RFX2: variants seen among roughly 807,000 people sequenced by gnomAD.
RFX2 encodes DNA-binding protein RFX2.
RFX2 carries 20 observed loss-of-function variants against 87.8 expected under a neutral mutation model. The ratio of observed to expected loss-of-function variants is 0.23; its 90% CI spans 0.16 to 0.33. The LOEUF (loss-of-function observed/expected upper bound fraction) is 0.33, where lower values mean the gene tolerates loss of function less well. Among genes scored for constraint, RFX2 ranks in the 10% least tolerant of loss-of-function variants. The pLI is 1.00. For synonymous variants in RFX2, 397 were observed against 431.3 expected, an observed-to-expected ratio of 0.92 and a Z score of 0.98; for missense variants, 767 against 1,012.3, an observed-to-expected ratio of 0.76 and a Z score of 3.29.
rs1464388647 is a variant in RFX2, at chr19:6,002,881, G to C, written c.1501-11C>G. 6.3e-7 allele frequency: 1 copy of C among 1,599,860 alleles called. No homozygotes were observed. Among genetic ancestry groups the C allele is most frequent in the Non-Finnish European group, 8.5e-7 (1 of 1,176,002 alleles). On this transcript the variant is annotated splice_polypyrimidine_tract_variant and intron_variant, in intron 13 of 17. Transcript: ENST00000303657. This position sits in a 1 kb window ranked among gnomAD's most constrained non-coding sequence, Gnocchi z 6.7. ...ACTGACGACGCCCACCTGTAAGCCA[G>C]GGCTCGTGGTGAGCAGGGGTTCGCA... is the stretch of plus-strand genomic sequence containing the variant.
chr19:6,073,673 T>G, intron 1 of RFX2: 1 of 247,106 alleles, frequency 4.0e-6, no homozygotes. Flanking sequence ...GAAGGCTGAA[T>G]GGATGAAAGC....
Position 6,047,408 on chromosome 19 carries a change from T to C in RFX2, c.89A>G (p.Gln30Arg). The C allele has an allele frequency of 2.5e-6, 4 of 1,605,362 alleles. No homozygotes were observed. The highest frequency in any genetic ancestry group is 1.7e-6 in the Non-Finnish European group (2 of 1,176,194). ...AAAPPVPASP[Q>R]RVLVQAASSN... The stretch of plus-strand genomic sequence containing the variant: ...TTGTTGCTGAGAGGCGCGCGTTACC[T>C]GCGGGGAGGCTGGCACAGGCGGGGC... Residue 30 changes from glutamine (Q) to arginine (R), a missense_variant and splice_region_variant, in exon 2 of 18, where the codon CAG becomes CGG. Physicochemically the swap from Gln to Arg is conservative, Grantham distance 43 (BLOSUM62 1). Coordinates refer to ENST00000303657, the MANE Select transcript of RFX2 (RefSeq NM_000635.4). The surrounding 1 kb of genome is among the most constrained non-coding windows in gnomAD (Gnocchi z 4.2).
rs1349756300 is a variant in RFX2, at chr19:6,078,870, G to C, written c.-8-31366C>G. Among the ~76,000 whole-genome samples, 4 of 152,184 alleles carry C rather than the reference G, an allele frequency of 2.6e-5. No individual in the cohort carries two copies. In the East Asian group the frequency reaches 7.7e-4, roughly 29 times the overall value. Reference sequence around the variant, plus strand: ...AGCTCACTGCAACCTCCACCTCCCGGGTTCAAACTATTCTAGTGCCTCAGC... The same window carrying C: ...AGCTCACTGCAACCTCCACCTCCCGCGTTCAAACTATTCTAGTGCCTCAGC... On this transcript the variant is annotated intron_variant, in intron 1 of 17. Coordinates refer to ENST00000303657, the MANE Select transcript of RFX2 (RefSeq NM_000635.4).
intron 10 of RFX2, 59 bp downstream of exon 10, chr19:6,008,047 G>A: frequency 1.5e-6 from 2 of 1,299,478 alleles, no homozygotes; most frequent in Non-Finnish European, 2.2e-6. Context: ...CCTGGCCTGA[G>A]CGCTGGCGGT....
Position 6,074,515 on chromosome 19 carries a change from G to T in RFX2, c.-8-27011C>A, listed in dbSNP as rs1342114850. ...ATCGTTCATTCATTCAACAAACACA[G>T]TCTGAGCATCTGCCATGTGCCGGCT... On this transcript the variant is annotated intron_variant, in intron 1 of 17. Coordinates refer to ENST00000303657, the MANE Select transcript of RFX2 (RefSeq NM_000635.4). This position sits in a 1 kb window ranked among gnomAD's most constrained non-coding sequence, Gnocchi z 5.2. Among the ~76,000 whole-genome samples, 1 of 152,178 alleles carries T rather than the reference G, an allele frequency of 6.6e-6. No individual in the cohort carries two copies. The highest frequency in any genetic ancestry group is 1.5e-5 in the Non-Finnish European group (1 of 68,042).
At chr19:6,108,762 C>G (rs2088260470) in intron 1 of RFX2, among the ~76,000 whole-genome samples, 1 of 152,276 alleles carries the variant, frequency 6.6e-6, no homozygotes. Flanking sequence ...TGCCCTCTCC[C>G]CTCCCCATTC....
intron 7 of RFX2, among the ~76,000 whole-genome samples, chr19:6,014,869 A>G (rs1157986407): frequency 6.6e-6 from 1 of 152,216 alleles, no homozygotes; most frequent in Non-Finnish European, 1.5e-5. Context: ...GTTTATAGAC[A>G]GCCAGGACAC....
intron 1 of RFX2, among the ~76,000 whole-genome samples, chr19:6,076,045 A>C (rs2087687054): frequency 1.3e-5 from 2 of 152,198 alleles, no homozygotes; most frequent in Admixed American, 6.5e-5. Flanking sequence ...TTCACAAAAA[A>C]TTAGAAACGA....
Position 6,001,115 on chromosome 19 carries a change from T to C in RFX2, c.1859+700A>G, listed in dbSNP as rs2086484610. On this transcript the variant is annotated intron_variant, in intron 15 of 17. Transcript: ENST00000303657. This position sits in a 1 kb window ranked among gnomAD's most constrained non-coding sequence, Gnocchi z 5.6. The stretch of plus-strand genomic sequence containing the variant: ...GCTCTCAGGACATCGCTCTACTGCC[T>C]TCTGGGTTTCTGCACATTGTTCGGA... Among the ~76,000 whole-genome samples the C allele has an allele frequency of 6.6e-6, 1 of 152,202 alleles. No homozygotes were observed. The highest frequency in any genetic ancestry group is 1.5e-5 in the Non-Finnish European group (1 of 68,022).
At chr19:6,107,245 G>A (rs1306985957) in intron 1 of RFX2, among the ~76,000 whole-genome samples, 1 of 151,684 alleles carries the variant, frequency 6.6e-6, no homozygotes, top group East Asian at 1.9e-4. Flanking sequence ...GCAGTGAGCC[G>A]AGATGGTGCC....
In RFX2 at chr19:6,046,555, T is replaced by TC. The variant is rs1197024063; in HGVS notation, c.90+851dup. Among the ~76,000 whole-genome samples the TC allele has an allele frequency of 1.0e-3, 109 of 104,206 alleles. 1 individual carries two copies. The South Asian group carries it at 0.017, about 16-fold the overall frequency. The allele number at this position is 104,206 out of a possible 152,430, so 68.4% of individuals were successfully genotyped here. A position where few individuals can be genotyped will look rare whatever the true frequency, so the allele number is the denominator to read the frequency against. ...GCCTGGGCGACAGAGCGAGACTCCGTCCCCCCCCAAAAAAAAAAAAAAATT... is the reference window on the plus strand; with the variant it reads ...GCCTGGGCGACAGAGCGAGACTCCGTCCCCCCCCCAAAAAAAAAAAAAAATT... On this transcript the variant is annotated intron_variant, in intron 2 of 17. Coordinates refer to ENST00000303657, the MANE Select transcript of RFX2 (RefSeq NM_000635.4).
At chr19:6,091,740 G>A (rs1241001306) in intron 1 of RFX2, among the ~76,000 whole-genome samples, 1 of 152,248 alleles carries the variant, frequency 6.6e-6, no homozygotes, top group African/African-American at 2.4e-5. Context: ...AAAATCTCGA[G>A]TGATGGGAGA....
rs192123299 is a variant in RFX2, at chr19:6,042,701, G to A, written c.181-578C>T. On this transcript the variant is annotated intron_variant, in intron 3 of 17. Coordinates refer to ENST00000303657, the MANE Select transcript of RFX2 (RefSeq NM_000635.4). Reference sequence around the variant, plus strand: ...TGGTCTGAACAGAGTGGGAAGGAGCGGCATGCCTGGAGAGATGGGGCAATG... The same window carrying A: ...TGGTCTGAACAGAGTGGGAAGGAGCAGCATGCCTGGAGAGATGGGGCAATG... Among the ~76,000 whole-genome samples, 447 of 152,264 alleles carry A rather than the reference G, an allele frequency of 2.9e-3. 2 individuals carry two copies. Among genetic ancestry groups the A allele is most frequent in the African/African-American group, 9.9e-3 (410 of 41,562 alleles).
chr19:5,998,713 C>T lies in RFX2; in HGVS notation c.1860-1500G>A, dbSNP rs142240700. Among the ~76,000 whole-genome samples, 86 of 152,286 alleles carry T rather than the reference C, an allele frequency of 5.6e-4. No individual in the cohort carries two copies. The highest frequency in any genetic ancestry group is 2.0e-3 in the African/African-American group (84 of 41,556). On this transcript the variant is annotated intron_variant, in intron 15 of 17. Coordinates refer to ENST00000303657, the MANE Select transcript of RFX2 (RefSeq NM_000635.4). This position sits in a 1 kb window ranked among gnomAD's most constrained non-coding sequence, Gnocchi z 4.2. Reference sequence around the variant, plus strand: ...TTCCCCACAGCCCCGGTGTCTGGTGCGATGCTTCAGTCCAAAGTATTTCCA... The same window carrying T: ...TTCCCCACAGCCCCGGTGTCTGGTGTGATGCTTCAGTCCAAAGTATTTCCA...
intron 3 of RFX2, among the ~76,000 whole-genome samples, chr19:6,043,160 C>A (rs1439762758): frequency 6.6e-6 from 1 of 152,180 alleles, no homozygotes; most frequent in Non-Finnish European, 1.5e-5. Context: ...GCAGAAGTTA[C>A]AGAAAGAGCT....
At chr19:6,069,175 T>G (rs2087557973) in intron 1 of RFX2, among the ~76,000 whole-genome samples, 1 of 152,192 alleles carries the variant, frequency 6.6e-6, no homozygotes, top group African/African-American at 2.4e-5. Context: ...GCAGATTACA[T>G]AAGTCTCAGG....
chr19:6,013,390 TG>T lies in RFX2; in HGVS notation c.780-286del, dbSNP rs2144702785. Among the ~76,000 whole-genome samples the T allele has an allele frequency of 6.6e-6, 1 of 152,114 alleles. No individual in the cohort carries two copies. The highest frequency in any genetic ancestry group is 2.1e-4 in the South Asian group (1 of 4,814). On this transcript the variant is annotated intron_variant, in intron 7 of 17. Transcript: ENST00000303657. The surrounding 1 kb of genome is among the most constrained non-coding windows in gnomAD (Gnocchi z 4.1). ...TAGTGGAGACGGGGTTTTGCCATGT[TG>T]GCCAGGCTGGTCTCAAACTCCTGGG...
chr19:6,042,744 C>T (rs2087129143), intron 3 of RFX2, among the ~76,000 whole-genome samples: 1 of 152,206 alleles, frequency 6.6e-6, no homozygotes, highest in South Asian at 2.1e-4. Context: ...CCCAGCACAC[C>T]CCCGCTGCCC....
chr19:6,100,395 A>G lies in RFX2; in HGVS notation c.-9+9998T>C, dbSNP rs548324598. Among the ~76,000 whole-genome samples, 155 of 152,214 alleles carry G rather than the reference A, an allele frequency of 1.0e-3. 1 individual carries two copies. Among genetic ancestry groups the G allele is most frequent in the Non-Finnish European group, 2.0e-3 (133 of 68,042 alleles). On this transcript the variant is annotated intron_variant, in intron 1 of 17. Coordinates refer to ENST00000303657, the MANE Select transcript of RFX2 (RefSeq NM_000635.4). ...TGACAAGGCGGTTGGGAGAAGAGGA[A>G]GAGATCAGTAAGAATCCAGAGACGA... is the stretch of plus-strand genomic sequence containing the variant.
Sources: allele counts gnomAD v4.1 joint callset (sites outside exome capture counted in the v4.1 genomes callset), GRCh38; gene constraint gnomAD v4.1.1; non-coding constraint Gnocchi (gnomAD v3.1); transcripts MANE v1.5; gene names NCBI Gene and HGNC (gene_info 2026-07-23, HGNC 2026-07-21).